Variants in KHDRBS2 observed in about 807,000 individuals in gnomAD.
KHDRBS2 encodes the protein KH domain-containing, RNA-binding, signal transduction-associated protein 2.
KHDRBS2 carries 26 observed loss-of-function variants against 44.3 expected under a neutral mutation model. The observed-to-expected ratio is 0.59, with a 90% confidence interval of 0.43 to 0.81. KHDRBS2 has a LOEUF of 0.81. KHDRBS2 is among the 40% of genes least tolerant of loss of function. The pLI, the probability that KHDRBS2 is intolerant of heterozygous loss-of-function variation, is 0.00. For synonymous variants in KHDRBS2, 194 were observed against 151.1 expected, an observed-to-expected ratio of 1.28 and a Z score of -2.08; for missense variants, 476 against 433.1, an observed-to-expected ratio of 1.10 and a Z score of -0.88.
At chr6:61,581,440 T>G in the KHDRBS2 span, among the ~76,000 whole-genome samples, 3 of 151,274 alleles carry the variant, frequency 2.0e-5, no homozygotes, top group Non-Finnish European at 4.4e-5. Context: ...ATGGCAAAAT[T>G]AATGTCAAAT....
At chr6:62,072,942 T>C (rs913016118) in intron 2 of KHDRBS2, among the ~76,000 whole-genome samples, 9 of 152,122 alleles carry the variant, frequency 5.9e-5, no homozygotes, top group Non-Finnish European at 1.0e-4. Flanking sequence ...GTACCTCTGG[T>C]AGAATTCAGC....
At chr6:62,241,778 C>G (rs1341480171) in intron 1 of KHDRBS2, among the ~76,000 whole-genome samples, 1 of 148,498 alleles carries the variant, frequency 6.7e-6, no homozygotes, top group Non-Finnish European at 1.5e-5. Flanking sequence ...CAATAATTAT[C>G]ATAATTATCC....
intron 3 of KHDRBS2, among the ~76,000 whole-genome samples, chr6:62,025,448 T>C (rs1351858021): frequency 6.6e-5 from 10 of 151,854 alleles, no homozygotes; most frequent in Admixed American, 2.6e-4. Flanking sequence ...TATTAACTTA[T>C]TTTCATATAA....
chr6:61,655,756 TA>T, the KHDRBS2 span, among the ~76,000 whole-genome samples: 1 of 152,092 alleles, frequency 6.6e-6, no homozygotes, highest in Non-Finnish European at 1.5e-5. Flanking sequence ...AGCCTACATG[TA>T]AGATTTTTTA....
At chr6:61,844,775 C>T (rs1022161299) in intron 6 of KHDRBS2, among the ~76,000 whole-genome samples, 2 of 152,080 alleles carry the variant, frequency 1.3e-5, no homozygotes, top group Non-Finnish European at 2.9e-5. Flanking sequence ...TCATGTAAAG[C>T]TAGCTTTTTG....
At chr6:61,612,400 T>A in the KHDRBS2 span, among the ~76,000 whole-genome samples, 220 of 152,342 alleles carry the variant, frequency 1.4e-3, 3 homozygotes, top group Non-Finnish European at 4.9e-4. Flanking sequence ...AGAATAAATA[T>A]AGACCTTATG....
the KHDRBS2 span, among the ~76,000 whole-genome samples, chr6:61,668,591 A>G: frequency 1.3e-5 from 2 of 151,198 alleles, no homozygotes; most frequent in Non-Finnish European, 3.0e-5. Context: ...GATAAACAGT[A>G]CAAGATGGCA....
chr6:61,997,021 T>C (rs1004943059), intron 3 of KHDRBS2, among the ~76,000 whole-genome samples: 3 of 152,168 alleles, frequency 2.0e-5, no homozygotes, highest in African/African-American at 7.2e-5. Context: ...GACCTCGTGA[T>C]CCGCCCACCT....
chr6:61,562,920 C>G, the KHDRBS2 span, among the ~76,000 whole-genome samples: 21 of 152,086 alleles, frequency 1.4e-4, no homozygotes, highest in Non-Finnish European at 2.4e-4. Context: ...GTATATAATG[C>G]GTTATATCTG....
intron 4 of KHDRBS2, among the ~76,000 whole-genome samples, chr6:61,930,399 T>G (rs1167926975): frequency 6.6e-6 from 1 of 151,826 alleles, no homozygotes; most frequent in East Asian, 1.9e-4. Context: ...AAGAAAGAAC[T>G]AGTTCTCATA....
chr6:61,587,734 G>A, the KHDRBS2 span, among the ~76,000 whole-genome samples: 17 of 152,152 alleles, frequency 1.1e-4, no homozygotes, highest in East Asian at 3.9e-4. Flanking sequence ...TCAGAATGTC[G>A]TTGGTTACAG....
At chr6:62,274,670 C>T (rs1342678619) in intron 1 of KHDRBS2, among the ~76,000 whole-genome samples, 1 of 152,128 alleles carries the variant, frequency 6.6e-6, no homozygotes, top group African/African-American at 2.4e-5. Flanking sequence ...AGAATCTCAA[C>T]TAATATGCCC....
At chr6:61,814,976 C>A (rs1787265321) in intron 6 of KHDRBS2, among the ~76,000 whole-genome samples, 1 of 152,074 alleles carries the variant, frequency 6.6e-6, no homozygotes, top group African/African-American at 2.4e-5. Context: ...TTTAAAACAT[C>A]TCTGGATTAC....
At chr6:61,833,552 A>G (rs144474770) in intron 6 of KHDRBS2, among the ~76,000 whole-genome samples, 18 of 152,272 alleles carry the variant, frequency 1.2e-4, no homozygotes, top group Admixed American at 3.3e-4. Flanking sequence ...GTTTATTTGG[A>G]AGACATTTGG....
intron 3 of KHDRBS2, among the ~76,000 whole-genome samples, chr6:61,998,723 C>T (rs1777685680): frequency 6.6e-6 from 1 of 151,958 alleles, no homozygotes; most frequent in African/African-American, 2.4e-5. Context: ...AAAAAGGTCA[C>T]CTTGGCTAGA....
intron 3 of KHDRBS2, among the ~76,000 whole-genome samples, chr6:62,033,944 G>C (rs1190679683): frequency 1.3e-5 from 2 of 151,164 alleles, no homozygotes; most frequent in African/African-American, 2.4e-5. Flanking sequence ...GAGAGAGAGA[G>C]AAGGTCCAAA....
chr6:62,053,220 A>T (rs1789472973), intron 2 of KHDRBS2, among the ~76,000 whole-genome samples: 1 of 152,044 alleles, frequency 6.6e-6, no homozygotes, highest in East Asian at 1.9e-4. Context: ...CTCTAGACTT[A>T]TAGGAAATGT....
intron 4 of KHDRBS2, among the ~76,000 whole-genome samples, chr6:61,938,358 T>C (rs985213225): frequency 3.3e-5 from 5 of 152,172 alleles, no homozygotes; most frequent in African/African-American, 1.2e-4. Context: ...AGTTAGGAAG[T>C]GTTTCCAGTT....
intron 7 of KHDRBS2, among the ~76,000 whole-genome samples, chr6:61,706,959 C>A (rs6930241): frequency 0.86 from 129,290 of 151,048 alleles, 55,790 homozygotes; most frequent in African/African-American, 0.95. Context: ...AAAACAAAAA[C>A]AAAACAGTTA....
Sources: gnomAD v4.1 joint callset for allele counts (sites outside exome capture counted in the v4.1 genomes callset) on GRCh38, gnomAD v4.1.1 for gene constraint, MANE v1.5 for transcripts, NCBI Gene and HGNC (gene_info 2026-07-23, HGNC 2026-07-21) for gene names.